The following AKAP10 variants were observed in gnomAD, a reference collection of about 807,000 sequenced individuals.
AKAP10 encodes A-kinase anchoring protein 10, also known as A-kinase anchor protein 10, mitochondrial.
AKAP10 carries 24 observed loss-of-function variants against 80.8 expected under a neutral mutation model. The ratio of observed to expected loss-of-function variants is 0.30; its 90% CI spans 0.22 to 0.42. The LOEUF (loss-of-function observed/expected upper bound fraction) is 0.42, where lower values mean the gene tolerates loss of function less well. AKAP10 is among the 10% of genes least tolerant of loss of function. The pLI, the probability that AKAP10 is intolerant of heterozygous loss-of-function variation, is 1.00. For synonymous variants in AKAP10, 291 were observed against 277.7 expected (o/e 1.05, Z -0.48); for missense variants, 661 against 794.9 (o/e 0.83, Z 2.03).
intron 14 of AKAP10, among the ~76,000 whole-genome samples, chr17:19,908,177 A>T (rs2042651482): frequency 6.6e-6 from 1 of 152,138 alleles, no homozygotes; most frequent in African/African-American, 2.4e-5. Flanking sequence ...GACGTCAGAC[A>T]TTCTAACTTT....
At position 19,965,419 on chromosome 17, in the gene AKAP10, T is replaced by C. The variant is rs559326375; in HGVS notation, c.137-2397A>G. Among the ~76,000 whole-genome samples the C allele has an allele frequency of 8.5e-5, 13 of 152,330 alleles. No homozygotes were observed. In the South Asian group the frequency reaches 2.5e-3, roughly 29 times the overall value. On this transcript the variant is annotated intron_variant, in intron 2 of 14. Transcript: ENST00000225737. ...CCAGACTAACCTTTCATAAACACCA[T>C]ACTTACAGCATCAATATCTTGCTCA...
intron 8 of AKAP10, 113 bp downstream of exon 8, chr17:19,939,600 T>C: frequency 8.0e-7 from 1 of 1,254,456 alleles, no homozygotes; most frequent in East Asian, 2.5e-5. Context: ...GCTTTTATGC[T>C]GCCTCCTGTG....
Position 19,924,517 on chromosome 17 carries a change from A to T in AKAP10, c.1642T>A (p.Ser548Thr), listed in dbSNP as rs1457939477. Residue 548 changes from serine (S) to threonine (T), a missense_variant and splice_region_variant, in exon 11 of 15, where the codon TCC (serine) becomes ACC (threonine). Ser to Thr is a moderately conservative substitution (Grantham distance 58, BLOSUM62 1). Transcript: ENST00000225737. ...PGSSDSSASQSSVKKASIKIL... is the reference protein window; with the variant it reads ...PGSSDSSASQTSVKKASIKIL... The stretch of plus-strand genomic sequence containing the variant: ...TTAATACTGGCTTTTTTCACACTGG[A>T]CTACAATAGAAATTGTAAAATTAGA... 6.3e-7 allele frequency: 1 copy of T among 1,576,836 alleles called. No individual in the cohort carries two copies. Among genetic ancestry groups the T allele is most frequent in the Non-Finnish European group, 8.7e-7 (1 of 1,153,586 alleles).
intron 14 of AKAP10, 139 bp from the exon 15 acceptor site, chr17:19,906,371 TTG>T: frequency 2.2e-6 from 2 of 894,182 alleles, no homozygotes; most frequent in Non-Finnish European, 3.4e-6. Flanking sequence ...GACTACAATT[TTG>T]TGAGGTAAAA....
chr17:19,914,930 G>A (rs963708317), intron 12 of AKAP10, among the ~76,000 whole-genome samples: 4 of 152,186 alleles, frequency 2.6e-5, no homozygotes, highest in Admixed American at 1.3e-4. Flanking sequence ...AGGCCAGCAA[G>A]GGACATCCAC....
chr17:19,940,786 G>T, intron 7 of AKAP10, 101 bp downstream of exon 7: 2 of 1,317,084 alleles, frequency 1.5e-6, no homozygotes, highest in South Asian at 4.1e-5. Flanking sequence ...TTTTGGAAAT[G>T]ACTTGGCTCT....
At chr17:19,969,197 T>C (rs560901550) in intron 1 of AKAP10, among the ~76,000 whole-genome samples, 11 of 152,078 alleles carry the variant, frequency 7.2e-5, no homozygotes, top group Admixed American at 2.6e-4. Flanking sequence ...TACAAAACAA[T>C]GAGCTGGGTG....
chr17:19,952,647 C>A (rs1261939386), intron 4 of AKAP10, among the ~76,000 whole-genome samples: 2 of 151,972 alleles, frequency 1.3e-5, no homozygotes, highest in Non-Finnish European at 2.9e-5. Context: ...AATTGGACAA[C>A]AGATATTTCT....
chr17:19,924,614 T>C (rs1040113708), intron 10 of AKAP10, 97 bp from the exon 11 acceptor site: 8 of 653,232 alleles, frequency 1.2e-5, no homozygotes, highest in African/African-American at 1.1e-4. Flanking sequence ...GTGTTTGAAA[T>C]AGAAGTAACT....
intron 4 of AKAP10, among the ~76,000 whole-genome samples, chr17:19,957,555 G>C (rs140805505): frequency 2.0e-5 from 3 of 151,960 alleles, no homozygotes; most frequent in Admixed American, 2.0e-4. Flanking sequence ...AGATAATCAT[G>C]CCTACTACCT....
chr17:19,965,858 T>C (rs1339427024), intron 2 of AKAP10, among the ~76,000 whole-genome samples: 1 of 148,480 alleles, frequency 6.7e-6, no homozygotes, highest in Non-Finnish European at 1.5e-5. Flanking sequence ...CTATGTACCT[T>C]TTTTTTTTTT....
At chr17:19,946,307 G>A (rs1418200745) in intron 5 of AKAP10, among the ~76,000 whole-genome samples, 1 of 82,544 alleles carries the variant, frequency 1.2e-5, no homozygotes, top group African/African-American at 4.4e-5. Context: ...TTTGGCAGGG[G>A]GTGAGGGCAT....
rs917669698 is a variant in AKAP10 at position 19,905,210 on chromosome 17, G to C, written c.*1017C>G. On this transcript the variant is annotated 3_prime_UTR_variant, in exon 15 of 15. Coordinates refer to ENST00000225737, the MANE Select transcript of AKAP10 (RefSeq NM_007202.4). The stretch of plus-strand genomic sequence containing the variant: ...CAGAAGCCAACTGAGCAGAAGTGCA[G>C]TGAGTGAGTCTCTTACTATCCTAAA... The C allele has an allele frequency of 6.6e-6, 1 of 152,054 alleles. No homozygotes were observed. Among genetic ancestry groups the C allele is most frequent in the Non-Finnish European group, 1.5e-5 (1 of 68,018 alleles). 9.4% of individuals were successfully genotyped at this position (152,054 alleles called of 1,614,324 possible).
chr17:19,969,785 AGT>A (rs1460160339), intron 1 of AKAP10, among the ~76,000 whole-genome samples: 1 of 152,176 alleles, frequency 6.6e-6, no homozygotes, highest in African/African-American at 2.4e-5. Context: ...TCTACATTCA[AGT>A]GTGTGGAGAC....
rs1042208323 is a variant in AKAP10, at chr17:19,904,619, A to G, written c.*1608T>C. The G allele has an allele frequency of 2.6e-5, 4 of 152,228 alleles. No individual in the cohort carries two copies. The highest frequency in any genetic ancestry group is 6.5e-5 in the Admixed American group (1 of 15,278). 9.4% of individuals were successfully genotyped at this position (152,228 alleles called of 1,614,324 possible). A position where few individuals can be genotyped will look rare whatever the true frequency, so the allele number is the denominator to read the frequency against. ...GATGACTAATAAAAACCTTGGGTTT[A>G]TGCCATACACTTCAAACACAAGGCA... On this transcript the variant is annotated 3_prime_UTR_variant, in exon 15 of 15. Coordinates refer to ENST00000225737, the MANE Select transcript of AKAP10 (RefSeq NM_007202.4).
chr17:19,939,870 A>C (rs751441081), intron 7 of AKAP10, 21 bp from the exon 8 acceptor site: 40 of 1,605,580 alleles, frequency 2.5e-5, no homozygotes, highest in Non-Finnish European at 2.9e-5. Flanking sequence ...AAAATACACA[A>C]GGGAAAATAA....
chr17:19,969,219 AC>A (rs1376496047), intron 1 of AKAP10, among the ~76,000 whole-genome samples: 1 of 152,062 alleles, frequency 6.6e-6, no homozygotes, highest in Non-Finnish European at 1.5e-5. Flanking sequence ...GGTGGCGGAC[AC>A]CTGTAAGCCC....
Position 19,947,388 on chromosome 17 carries a change from A to G in AKAP10, c.976+19T>C. The stretch of plus-strand genomic sequence containing the variant: ...TTTTTTGTCATTTTTTTTTTGCCAT[A>G]GTTTCAAGCACTGCTTACCTATGAT... On this transcript the variant is annotated intron_variant, in intron 5 of 14. Coordinates refer to ENST00000225737, the MANE Select transcript of AKAP10 (RefSeq NM_007202.4). 6.5e-7 allele frequency: 1 copy of G among 1,545,878 alleles called. No homozygotes were observed.
chr17:19,964,066 T>C (rs2043386191), intron 2 of AKAP10, among the ~76,000 whole-genome samples: 1 of 152,158 alleles, frequency 6.6e-6, no homozygotes, highest in Non-Finnish European at 1.5e-5. Flanking sequence ...TTCAAACTAT[T>C]TTTTCAATGT....
Sources: allele counts gnomAD v4.1 joint callset (sites outside exome capture counted in the v4.1 genomes callset), GRCh38; gene constraint gnomAD v4.1.1; transcripts MANE v1.5; gene names NCBI Gene and HGNC (gene_info 2026-07-23, HGNC 2026-07-21).